ROBO2: variants seen among roughly 807,000 people sequenced by gnomAD.
ROBO2 encodes the protein roundabout homolog 2.
ROBO2 carries 53 observed loss-of-function variants against 160.8 expected under a neutral mutation model. That is an observed-to-expected ratio of 0.33 (90% CI 0.26 to 0.41). The LOEUF (loss-of-function observed/expected upper bound fraction) is 0.41. Among genes scored for constraint, ROBO2 ranks in the 10% least tolerant of loss-of-function variants. The pLI, the probability that ROBO2 is intolerant of heterozygous loss-of-function variation, is 1.00. For missense variants in ROBO2, 1,577 were observed against 1,722.4 expected, an observed-to-expected ratio of 0.92 and a Z score of 1.49; for synonymous variants, 664 against 611.7, an observed-to-expected ratio of 1.09 and a Z score of -1.26.
intron 1 of ROBO2, among the ~76,000 whole-genome samples, chr3:77,086,310 CTCAT>C (rs761230778): frequency 6.6e-6 from 1 of 152,062 alleles, no homozygotes; most frequent in Non-Finnish European, 1.5e-5. Flanking sequence ...ATGGAAAAAT[CTCAT>C]TCAATCTTCT....
chr3:76,627,857 T>G (rs1374849), intron 2 of ROBO2, among the ~76,000 whole-genome samples: 96,198 of 151,934 alleles, frequency 0.63, 30,744 homozygotes, highest in East Asian at 0.74. Context: ...TGCTTGTGTG[T>G]TTTAAGGGAT....
Position 76,031,957 on chromosome 3 carries a change from T to C in ROBO2, c.109+94355T>C, listed in dbSNP as rs902659262. On this transcript the variant is annotated intron_variant, in intron 2 of 26. Coordinates refer to the ROBO2 transcript ENST00000487694. ...AAGGAATGGTACCAGCTCCTCTTTGTACCTCTGGTAGAATTCAGCTGTGAA... is the reference window on the plus strand; with the variant it reads ...AAGGAATGGTACCAGCTCCTCTTTGCACCTCTGGTAGAATTCAGCTGTGAA... 3.9e-5 allele frequency among the ~76,000 whole-genome samples: 6 copies of C among 152,328 alleles called. No individual in the cohort carries two copies. In the East Asian group the frequency reaches 1.2e-3, roughly 29 times the overall value.
chr3:76,239,582 T>C (rs932441838), intron 2 of ROBO2, among the ~76,000 whole-genome samples: 1 of 152,190 alleles, frequency 6.6e-6, no homozygotes, highest in Non-Finnish European at 1.5e-5. Context: ...ATGTGTGTTT[T>C]ATAGCACATG....
At chr3:76,644,715 A>G (rs2090882078) in intron 2 of ROBO2, among the ~76,000 whole-genome samples, 2 of 152,198 alleles carry the variant, frequency 1.3e-5, no homozygotes, top group African/African-American at 4.8e-5. Context: ...TTTGACATTC[A>G]AGAGCTGACA....
At chr3:76,727,291 G>A (rs1013935625) in intron 2 of ROBO2, among the ~76,000 whole-genome samples, 1 of 152,056 alleles carries the variant, frequency 6.6e-6, no homozygotes, top group Non-Finnish European at 1.5e-5. Flanking sequence ...CTTAAGTAAG[G>A]AAATATAACA....
At chr3:77,044,939 T>C (rs1320634686) in intron 1 of ROBO2, among the ~76,000 whole-genome samples, 2 of 152,182 alleles carry the variant, frequency 1.3e-5, no homozygotes, top group African/African-American at 4.8e-5. Flanking sequence ...TTGGCATAGA[T>C]ATTGCTTTTC....
At chr3:76,488,661 G>T (rs1041615126) in intron 2 of ROBO2, among the ~76,000 whole-genome samples, 1 of 151,892 alleles carries the variant, frequency 6.6e-6, no homozygotes, top group African/African-American at 2.4e-5. Context: ...TTTTTTCCAT[G>T]TGAAAGAACA....
intron 2 of ROBO2, among the ~76,000 whole-genome samples, chr3:76,169,921 C>A (rs916427852): frequency 6.6e-6 from 1 of 152,114 alleles, no homozygotes; most frequent in Admixed American, 6.5e-5. Flanking sequence ...GCTGGGACTA[C>A]AGGCGCCCGC....
chr3:76,854,348 A>G lies in ROBO2; in HGVS notation c.110-243666A>G, dbSNP rs559690689. Among the ~76,000 whole-genome samples, 304 of 152,254 alleles carry G rather than the reference A, an allele frequency of 2.0e-3. 1 individual carries two copies. Among genetic ancestry groups the G allele is most frequent in the African/African-American group, 6.6e-3 (275 of 41,564 alleles). ...ACATTGCATACACATTTCAAGGTAA[A>G]CTTGTATAGATCCAATTCCAAAAGT... On this transcript the variant is annotated intron_variant, in intron 2 of 26. Transcript: ENST00000487694.
At chr3:77,333,375 A>C (rs1422336599) in intron 2 of ROBO2, among the ~76,000 whole-genome samples, 1 of 152,204 alleles carries the variant, frequency 6.6e-6, no homozygotes, top group Non-Finnish European at 1.5e-5. Context: ...TATGTAGTCG[A>C]AATGGTAAAG....
intron 4 of ROBO2, among the ~76,000 whole-genome samples, chr3:77,491,765 TCTTG>T (rs2153599413): frequency 6.6e-6 from 1 of 152,290 alleles, no homozygotes; most frequent in East Asian, 1.9e-4. Flanking sequence ...ATTCTATTTG[TCTTG>T]TTTTATTGCT....
chr3:77,317,374 T>C (rs1444140747), intron 2 of ROBO2: 1 of 985,828 alleles, frequency 1.0e-6, no homozygotes, highest in Non-Finnish European at 1.6e-6. Context: ...CCTAGTGTAT[T>C]GTCGGGGTTC....
At chr3:76,358,497 T>C (rs572952159) in intron 2 of ROBO2, among the ~76,000 whole-genome samples, 49 of 152,176 alleles carry the variant, frequency 3.2e-4, no homozygotes, top group African/African-American at 1.1e-3. Flanking sequence ...TCTTTGTCCA[T>C]AGAAAGTAGT....
intron 1 of ROBO2, among the ~76,000 whole-genome samples, chr3:77,075,189 C>T (rs1450915878): frequency 2.6e-5 from 4 of 151,968 alleles, no homozygotes; most frequent in Non-Finnish European, 4.4e-5. Flanking sequence ...AACAACCGAC[C>T]AGGTTTTTTG....
At chr3:76,221,769 G>T (rs139903852) in intron 2 of ROBO2, among the ~76,000 whole-genome samples, 1 of 152,230 alleles carries the variant, frequency 6.6e-6, no homozygotes, top group African/African-American at 2.4e-5. Flanking sequence ...TTTTGTCTTT[G>T]AGGTGAGTTC....
intron 2 of ROBO2, among the ~76,000 whole-genome samples, chr3:77,403,768 A>G (rs954508354): frequency 2.0e-5 from 3 of 152,022 alleles, no homozygotes; most frequent in Admixed American, 2.0e-4. Context: ...ATACCCAGTC[A>G]TGGGATTGTT....
chr3:77,071,937 C>A (rs2067461117), intron 1 of ROBO2, among the ~76,000 whole-genome samples: 1 of 152,078 alleles, frequency 6.6e-6, no homozygotes, highest in Non-Finnish European at 1.5e-5. Context: ...AGTCTCCAAC[C>A]CCTGGGCCCC....
chr3:76,244,978 T>C (rs1705528251), intron 2 of ROBO2, among the ~76,000 whole-genome samples: 1 of 152,162 alleles, frequency 6.6e-6, no homozygotes, highest in Non-Finnish European at 1.5e-5. Context: ...TTCAACAAAA[T>C]AGAATATGTT....
At chr3:77,014,541 C>A (rs1182348606) in intron 2 of ROBO2, among the ~76,000 whole-genome samples, 4 of 152,132 alleles carry the variant, frequency 2.6e-5, no homozygotes, top group Admixed American at 6.5e-5. Flanking sequence ...ATGCAAGACC[C>A]CTGAGAAAGT....
Sources: gnomAD v4.1 joint callset for allele counts (sites outside exome capture counted in the v4.1 genomes callset) on GRCh38, gnomAD v4.1.1 for gene constraint, MANE v1.5 for transcripts, NCBI Gene and HGNC (gene_info 2026-07-23, HGNC 2026-07-21) for gene names.